Variants in CNTN5 observed in about 807,000 individuals in gnomAD.
CNTN5 encodes the protein contactin-5.
A neutral mutation model predicts 129.1 loss-of-function variants in CNTN5; 77 were observed. That is an observed-to-expected ratio of 0.60 (90% confidence interval 0.50 to 0.72). The LOEUF (loss-of-function observed/expected upper bound fraction) is 0.72, where lower values mean the gene tolerates loss of function less well. Among genes scored for constraint, CNTN5 ranks in the 30% least tolerant of loss-of-function variants. The probability of loss-of-function intolerance (pLI) is 0.00; values close to 1 mark genes in which losing one functional copy is unlikely to be tolerated. For missense variants in CNTN5, 1,478 were observed against 1,328.8 expected (o/e 1.11, Z -1.75); for synonymous variants, 509 against 465.6 (o/e 1.09, Z -1.20).
chr11:99,576,290 T>C (rs995868973), intron 3 of CNTN5, among the ~76,000 whole-genome samples: 18 of 152,162 alleles, frequency 1.2e-4, no homozygotes, highest in Non-Finnish European at 5.9e-5. Context: ...TTAAGGTATA[T>C]GGAATGCTGA....
chr11:99,286,942 A>G (rs1191387171), intron 1 of CNTN5, among the ~76,000 whole-genome samples: 1 of 152,192 alleles, frequency 6.6e-6, no homozygotes, highest in East Asian at 1.9e-4. Context: ...TAAAACCTGT[A>G]CTAAGGTTGT....
chr11:100,297,420 G>GGTGCA (rs1951120196), intron 18 of CNTN5, among the ~76,000 whole-genome samples: 1 of 151,564 alleles, frequency 6.6e-6, no homozygotes, highest in South Asian at 2.1e-4. Context: ...CAAGAGGCAT[G>GGTGCA]GTGCAATAAG....
At chr11:99,419,651 G>A (rs1437065553) in intron 2 of CNTN5, among the ~76,000 whole-genome samples, 1 of 152,138 alleles carries the variant, frequency 6.6e-6, no homozygotes, top group Non-Finnish European at 1.5e-5. Context: ...TTTTTAAATA[G>A]TATCTTTTAC....
intron 13 of CNTN5, among the ~76,000 whole-genome samples, chr11:100,110,015 C>A (rs920313345): frequency 7.9e-5 from 12 of 151,520 alleles, no homozygotes; most frequent in Non-Finnish European, 1.6e-4. Context: ...CTGTCTCTAC[C>A]AGAAATACAA....
At chr11:100,026,490 T>C (rs922307029) in intron 9 of CNTN5, among the ~76,000 whole-genome samples, 4 of 152,220 alleles carry the variant, frequency 2.6e-5, no homozygotes, top group Non-Finnish European at 5.9e-5. Context: ...TGTACTATTT[T>C]GCATTTTCAC....
At chr11:99,149,538 T>C (rs935038699) in intron 1 of CNTN5, among the ~76,000 whole-genome samples, 3 of 152,122 alleles carry the variant, frequency 2.0e-5, no homozygotes, top group Admixed American at 6.6e-5. Context: ...ACAACTGTCA[T>C]ACGTTACAAC....
At chr11:99,760,501 T>C (rs1944543093) in intron 3 of CNTN5, among the ~76,000 whole-genome samples, 2 of 152,144 alleles carry the variant, frequency 1.3e-5, no homozygotes, top group African/African-American at 4.8e-5. Flanking sequence ...AATTTTTTGT[T>C]ACGTTATACA....
chr11:99,810,727 A>G lies in CNTN5; in HGVS notation c.56-8817A>G, dbSNP rs1946404148. Reference sequence around the variant, plus strand: ...ATCCTTGCAAGCTTCATAAAACAGTAGCAGGCCAAAATTGCAGAGTTAACA... The same window carrying G: ...ATCCTTGCAAGCTTCATAAAACAGTGGCAGGCCAAAATTGCAGAGTTAACA... On this transcript the variant is annotated intron_variant, in intron 3 of 24. Coordinates refer to ENST00000524871, the MANE Select transcript of CNTN5 (RefSeq NM_014361.4). 2.0e-5 allele frequency among the ~76,000 whole-genome samples: 3 copies of G among 152,160 alleles called. No individual in the cohort carries two copies. In the South Asian group the frequency reaches 6.2e-4, roughly 31 times the overall value.
At chr11:99,886,255 C>G (rs994782148) in intron 6 of CNTN5, among the ~76,000 whole-genome samples, 2 of 151,958 alleles carry the variant, frequency 1.3e-5, no homozygotes, top group Non-Finnish European at 2.9e-5. Flanking sequence ...TAAAAATGTA[C>G]ATACTAAAAT....
intron 1 of CNTN5, among the ~76,000 whole-genome samples, chr11:99,130,769 C>T (rs576969072): frequency 6.6e-6 from 1 of 152,256 alleles, no homozygotes; most frequent in Non-Finnish European, 1.5e-5. Flanking sequence ...GTCCATCAGA[C>T]CACAGCACAA....
At chr11:100,092,841 A>G (rs990942748) in intron 13 of CNTN5, among the ~76,000 whole-genome samples, 3 of 151,402 alleles carry the variant, frequency 2.0e-5, no homozygotes, top group Non-Finnish European at 4.4e-5. Context: ...GTGATTTCCA[A>G]CTTCTTTTCT....
At chr11:100,340,135 T>C (rs902960284) in intron 21 of CNTN5, among the ~76,000 whole-genome samples, 4 of 152,222 alleles carry the variant, frequency 2.6e-5, no homozygotes, top group African/African-American at 9.6e-5. Flanking sequence ...TGATGACCTA[T>C]GAGAGAAAAG....
intron 3 of CNTN5, among the ~76,000 whole-genome samples, chr11:99,751,937 A>G (rs1944250346): frequency 6.6e-6 from 1 of 152,210 alleles, no homozygotes; most frequent in Admixed American, 6.5e-5. Context: ...TGAGGACACA[A>G]CATTCATCCT....
intron 3 of CNTN5, among the ~76,000 whole-genome samples, chr11:99,795,129 C>T (rs1945887567): frequency 6.6e-6 from 1 of 152,086 alleles, no homozygotes; most frequent in Non-Finnish European, 1.5e-5. Context: ...CTTCTTCATT[C>T]TTTTTTCTTT....
intron 3 of CNTN5, among the ~76,000 whole-genome samples, chr11:99,683,050 CAT>C (rs1953629832): frequency 6.6e-6 from 1 of 151,880 alleles, no homozygotes; most frequent in African/African-American, 2.4e-5. Flanking sequence ...TATTTATTAA[CAT>C]ATAATTCCAT....
At chr11:100,074,396 C>T (rs185834498) in intron 13 of CNTN5, 102 bp downstream of exon 13, 63 of 1,005,436 alleles carry the variant, frequency 6.3e-5, no homozygotes, top group African/African-American at 5.5e-4. Flanking sequence ...TACCGTGAGA[C>T]GTATTTTATG....
In CNTN5 at chr11:99,987,979, A is replaced by G. The variant is rs374424037; in HGVS notation, c.878-14055A>G. On this transcript the variant is annotated intron_variant, in intron 8 of 24. Coordinates refer to ENST00000524871, the MANE Select transcript of CNTN5 (RefSeq NM_014361.4). ...TGTAGCAGATGTTCAGTTAATGTTT[A>G]TTCCCATCCACTTTACATCTAGAGT... Among the ~76,000 whole-genome samples, 11 of 152,350 alleles carry G rather than the reference A, an allele frequency of 7.2e-5. No individual in the cohort carries two copies. In the South Asian group the frequency reaches 8.3e-4, roughly 11 times the overall value.
At chr11:99,208,827 A>G (rs1859616668) in intron 1 of CNTN5, among the ~76,000 whole-genome samples, 1 of 152,176 alleles carries the variant, frequency 6.6e-6, no homozygotes, top group Admixed American at 6.5e-5. Context: ...GCAATTCCTT[A>G]TTAAATGCAA....
At chr11:99,713,971 A>T (rs1420954642) in intron 3 of CNTN5, among the ~76,000 whole-genome samples, 1 of 151,962 alleles carries the variant, frequency 6.6e-6, no homozygotes, top group Non-Finnish European at 1.5e-5. Flanking sequence ...AATGGGGACC[A>T]TGCATGGCAT....
Sources: allele counts gnomAD v4.1 joint callset (sites outside exome capture counted in the v4.1 genomes callset), GRCh38; gene constraint gnomAD v4.1.1; transcripts MANE v1.5; gene names NCBI Gene and HGNC (gene_info 2026-07-23, HGNC 2026-07-21).